AVIL: variants seen among roughly 807,000 people sequenced by gnomAD.
AVIL encodes the protein advillin.
AVIL carries 78 observed loss-of-function variants against 109.9 expected under a neutral mutation model. The observed-to-expected ratio is 0.71, with a 90% CI of 0.59 to 0.86. The LOEUF (loss-of-function observed/expected upper bound fraction) is 0.86. Ranked by LOEUF, AVIL falls within the 40% of genes least tolerant of loss-of-function variation. The pLI, the probability that AVIL is intolerant of heterozygous loss-of-function variation, is 0.00. For synonymous variants in AVIL, 367 were observed against 379.1 expected (o/e 0.97, Z 0.37); for missense variants, 892 against 1,016.5 (o/e 0.88, Z 1.67).
At chr12:57,811,186 C>T in intron 4 of AVIL, 59 bp from the exon 5 acceptor site, 2 of 1,517,076 alleles carry the variant, frequency 1.3e-6, no homozygotes, top group South Asian at 1.1e-5. Flanking sequence ...TCTGGGGAGA[C>T]AGTGGTGAAT....
At chr12:57,811,928 C>G (rs1956043211) in intron 4 of AVIL, among the ~76,000 whole-genome samples, 2 of 152,202 alleles carry the variant, frequency 1.3e-5, no homozygotes, top group Non-Finnish European at 2.9e-5. Context: ...ACTCCCATTC[C>G]TCTCCCCAAT....
chr12:57,800,808 A>G (rs1222079477), intron 18 of AVIL, among the ~76,000 whole-genome samples: 2 of 152,124 alleles, frequency 1.3e-5, no homozygotes, highest in African/African-American at 4.8e-5. Context: ...GGGTTTCACC[A>G]TATTAGTCAG....
chr12:57,809,953 ATGT>A (rs1335360693), intron 7 of AVIL, 63 bp from the exon 8 acceptor site: 5 of 1,558,284 alleles, frequency 3.2e-6, no homozygotes, highest in South Asian at 1.1e-5. Flanking sequence ...AGTCAACTAG[ATGT>A]TGTTCTGGTT....
chr12:57,806,920 A>G (rs1955956496), intron 13 of AVIL, among the ~76,000 whole-genome samples: 1 of 152,200 alleles, frequency 6.6e-6, no homozygotes, highest in Non-Finnish European at 1.5e-5. Flanking sequence ...GCCATTACGC[A>G]TTGCTTGGTA....
chr12:57,797,727 G>A lies in AVIL; in HGVS notation c.*155C>T. The A allele has an allele frequency of 2.7e-6, 2 of 742,916 alleles. No homozygotes were observed. The highest frequency in any genetic ancestry group is 1.8e-5 in the African/African-American group (1 of 54,660). 46.0% of individuals were successfully genotyped at this position (742,916 alleles called of 1,614,324 possible). A position where few individuals can be genotyped will look rare whatever the true frequency, so the allele number is the denominator to read the frequency against. ...TATAACAAGCAAGGAATGCAAGGAT[G>A]AGAAAAAATGGAGAACATGCCGTGA... is the stretch of plus-strand genomic sequence containing the variant. On this transcript the variant is annotated 3_prime_UTR_variant, in exon 20 of 20. Coordinates refer to ENST00000549994, the MANE Select transcript of AVIL (RefSeq NM_006576.4).
chr12:57,813,343 G>A lies in AVIL; in HGVS notation c.222C>T (p.Cys74=), dbSNP rs751926548. ...GKDSSQDEQS[C]AAIYTTQLDD... ...CCAGCTGTGTGGTATATATGGCTGC[G>A]CAGCTTTGCTCATCCTGGGAGGAGT... is the stretch of plus-strand genomic sequence containing the variant. The change falls in exon 4 of 20, where the codon TGC becomes TGT. Residue 74 remains cysteine (C), a synonymous_variant. Coordinates refer to ENST00000549994, the MANE Select transcript of AVIL (RefSeq NM_006576.4). The A allele has an allele frequency of 3.6e-5, 58 of 1,614,112 alleles. No individual in the cohort carries two copies. In the Middle Eastern group the frequency reaches 1.8e-3, roughly 50 times the overall value.
intron 1 of AVIL, among the ~76,000 whole-genome samples, chr12:57,816,997 G>A (rs1334615581): frequency 6.6e-6 from 1 of 151,798 alleles, no homozygotes; most frequent in African/African-American, 2.4e-5. Flanking sequence ...GGTGGGGAGA[G>A]GGGGGAAGTG....
rs931507009 is a variant in AVIL at position 57,810,254 on chromosome 12, C to T, written c.761+95G>A. 10 of 1,373,600 alleles carry T rather than the reference C, an allele frequency of 7.3e-6. No individual in the cohort carries two copies. The South Asian group carries it at 1.3e-4, about 18-fold the overall frequency. The allele number at this position is 1,373,600 out of a possible 1,614,324, so 85.1% of individuals were successfully genotyped here. A position where few individuals can be genotyped will look rare whatever the true frequency, so the allele number is the denominator to read the frequency against. ...CTAAGAAGAAAACCAGATGGCTACA[C>T]CCAAAACAAGGAGCCAAGCAGAGGT... is the stretch of plus-strand genomic sequence containing the variant. On this transcript the variant is annotated intron_variant, in intron 7 of 19. Transcript: ENST00000549994.
chr12:57,803,696 A>G (rs2140442867), intron 14 of AVIL, 27 bp from the exon 15 acceptor site: 2 of 1,609,508 alleles, frequency 1.2e-6, no homozygotes, highest in Non-Finnish European at 1.7e-6. Context: ...GAGAGCACAG[A>G]TGTTAGTTGC....
chr12:57,818,282 C>T (rs1202634561), intron 1 of AVIL, among the ~76,000 whole-genome samples: 1 of 144,082 alleles, frequency 6.9e-6, no homozygotes, highest in African/African-American at 2.5e-5. Flanking sequence ...TCAAACAATC[C>T]TCATGCCCTG....
rs751258266 is a variant in AVIL, at chr12:57,809,715, G to A, written c.841-20C>T. On this transcript the variant is annotated intron_variant, in intron 8 of 19. Coordinates refer to ENST00000549994, the MANE Select transcript of AVIL (RefSeq NM_006576.4). ...GCAGTCCTAAAGCAGCCAGAGATAGGTATGGTTGCTCAAGACCAGAAGGAA... is the reference window on the plus strand; with the variant it reads ...GCAGTCCTAAAGCAGCCAGAGATAGATATGGTTGCTCAAGACCAGAAGGAA... 4.3e-6 allele frequency: 7 copies of A among 1,613,792 alleles called. No individual in the cohort carries two copies. The highest frequency in any genetic ancestry group is 1.1e-5 in the South Asian group (1 of 91,072).
chr12:57,805,582 G>A (rs1158051836), intron 14 of AVIL, among the ~76,000 whole-genome samples: 2 of 150,624 alleles, frequency 1.3e-5, no homozygotes, highest in Non-Finnish European at 3.0e-5. Context: ...TGCCCAGGCT[G>A]GAGTGCCATG....
rs767276516 is a variant in AVIL at position 57,801,139 on chromosome 12, C to T, written c.2220+5G>A. 3.1e-6 allele frequency: 5 copies of T among 1,613,160 alleles called. No individual in the cohort carries two copies. Among genetic ancestry groups the T allele is most frequent in the Non-Finnish European group, 4.2e-6 (5 of 1,179,556 alleles). ...TGGCTTCTCCCAAGAGCGAACCCGACTCACAGCAGTGATTCGCATGATAGC... is the reference window on the plus strand; with the variant it reads ...TGGCTTCTCCCAAGAGCGAACCCGATTCACAGCAGTGATTCGCATGATAGC... On this transcript the variant is annotated splice_donor_5th_base_variant and intron_variant, in intron 18 of 19. Coordinates refer to ENST00000549994, the MANE Select transcript of AVIL (RefSeq NM_006576.4).
chr12:57,798,625 T>C (rs946631703), intron 19 of AVIL, among the ~76,000 whole-genome samples: 1 of 151,732 alleles, frequency 6.6e-6, no homozygotes, highest in Non-Finnish European at 1.5e-5. Context: ...CTTTTCTTTT[T>C]TTTTTTTTTG....
rs1337769787 is a variant in AVIL at position 57,798,620 on chromosome 12, C to CT, written c.2347-626dup. Among the ~76,000 whole-genome samples, 1,306 of 140,604 alleles carry CT rather than the reference C, an allele frequency of 9.3e-3. 21 individuals are homozygous for CT. Among genetic ancestry groups the CT allele is most frequent in the African/African-American group, 0.027 (1,044 of 38,736 alleles). 92.2% of individuals were successfully genotyped at this position (140,604 alleles called of 152,430 possible). ...GAAAAGAAATTTATTCTTTTCTTTT[C>CT]TTTTTTTTTTTTTTGAGACAGATTC... On this transcript the variant is annotated intron_variant, in intron 19 of 19. Transcript: ENST00000549994.
At chr12:57,806,562 C>T (rs1195163389) in intron 13 of AVIL, 23 bp from the exon 14 acceptor site, 2 of 1,613,024 alleles carry the variant, frequency 1.2e-6, no homozygotes, top group Admixed American at 1.7e-5. Flanking sequence ...AAAGCAGAGT[C>T]CAGATCTAAG....
Position 57,818,692 on chromosome 12 carries a change from A to G in AVIL, c.-83T>C, listed in dbSNP as rs1160449729. 5 of 152,226 alleles carry G rather than the reference A, an allele frequency of 3.3e-5. No individual in the cohort carries two copies. The highest frequency in any genetic ancestry group is 7.3e-5 in the Non-Finnish European group (5 of 68,058). The allele number at this position is 152,226 out of a possible 1,614,324, so 9.4% of individuals were successfully genotyped here. A position where few individuals can be genotyped will look rare whatever the true frequency, so the allele number is the denominator to read the frequency against. On this transcript the variant is annotated 5_prime_UTR_variant, in exon 1 of 20. Transcript: ENST00000549994. The stretch of plus-strand genomic sequence containing the variant: ...GCGTAAGCAGCAGCAGTATTGAAGA[A>G]CCACTCCAAAGCAGGAGGCTCCAGG...
intron 4 of AVIL, among the ~76,000 whole-genome samples, chr12:57,812,638 G>A (rs1212602070): frequency 6.6e-6 from 1 of 152,204 alleles, no homozygotes; most frequent in Non-Finnish European, 1.5e-5. Context: ...GGGATTACAG[G>A]CGTAAGCCAC....
intron 2 of AVIL, chr12:57,814,487 C>G (rs1459957694): frequency 2.2e-6 from 1 of 446,098 alleles, no homozygotes; most frequent in Non-Finnish European, 4.2e-6. Context: ...CACTCTACTT[C>G]CCACCCGATC....
Sources: allele counts gnomAD v4.1 joint callset (sites outside exome capture counted in the v4.1 genomes callset), GRCh38; gene constraint gnomAD v4.1.1; transcripts MANE v1.5; gene names NCBI Gene and HGNC (gene_info 2026-07-23, HGNC 2026-07-21).